Variants in CCDC178 observed in about 807,000 individuals in gnomAD.
CCDC178 encodes coiled-coil domain containing 178, also known as coiled-coil domain-containing protein 178.
In CCDC178, 126 loss-of-function variants were observed where a neutral mutation model predicts 117.4. That is an observed-to-expected ratio of 1.07 (90% confidence interval 0.93 to 1.24). The LOEUF is 1.24. CCDC178 is among the 50% of genes most tolerant of loss of function. The probability of loss-of-function intolerance (pLI) is 0.00; values close to 1 mark genes in which losing one functional copy is unlikely to be tolerated. For synonymous variants in CCDC178, 283 were observed against 313.4 expected (o/e 0.90, Z 1.02); for missense variants, 1,030 against 986.9 (o/e 1.04, Z -0.59).
chr18:33,386,800 T>C (rs776475739), intron 5 of CCDC178, among the ~76,000 whole-genome samples: 1 of 151,766 alleles, frequency 6.6e-6, no homozygotes, highest in Non-Finnish European at 1.5e-5. Context: ...CCCTTGAAAA[T>C]AGGTATAAGA....
chr18:33,156,631 T>C (rs2626370), intron 20 of CCDC178, among the ~76,000 whole-genome samples: 20,801 of 92,084 alleles, frequency 0.23, 2,203 homozygotes, highest in African/African-American at 0.39. Context: ...TGCTTCCTAA[T>C]CCTCCCTCTC....
chr18:33,326,607 C>T (rs761391909), intron 10 of CCDC178, among the ~76,000 whole-genome samples: 58 of 152,138 alleles, frequency 3.8e-4, no homozygotes, highest in Non-Finnish European at 6.6e-4. Context: ...CAAGGGATTC[C>T]CAGAGTTGTT....
At chr18:33,362,753 A>C (rs1382633786) in intron 6 of CCDC178, among the ~76,000 whole-genome samples, 1 of 151,958 alleles carries the variant, frequency 6.6e-6, no homozygotes, top group African/African-American at 2.4e-5. Context: ...TAGTTGCAAG[A>C]CTTGGGTTAA....
In CCDC178 at chr18:33,292,630, T is replaced by C. The variant is rs2060182008; in HGVS notation, c.1176+529A>G. ...CAAAGAATGCTGAATGTTACCCTAA[T>C]TTGATCATTACACATTGTATACAGG... On this transcript the variant is annotated intron_variant, in intron 12 of 22. Coordinates refer to ENST00000383096, the MANE Select transcript of CCDC178 (RefSeq NM_001105528.4). 2.0e-5 allele frequency among the ~76,000 whole-genome samples: 3 copies of C among 152,138 alleles called. No individual in the cohort carries two copies. The South Asian group carries it at 6.2e-4, about 32-fold the overall frequency.
intron 21 of CCDC178, among the ~76,000 whole-genome samples, chr18:33,047,743 G>A (rs2056671076): frequency 6.6e-6 from 1 of 152,148 alleles, no homozygotes; most frequent in Non-Finnish European, 1.5e-5. Context: ...AGTCTCTACA[G>A]TGAAGCCCTA....
rs1028868058 is a variant in CCDC178 at position 33,343,974 on chromosome 18, C to T, written c.658+2237G>A. On this transcript the variant is annotated intron_variant, in intron 9 of 22. Transcript: ENST00000383096. Reference sequence around the variant, plus strand: ...GCAGAAGATTCCCGAGAACACATTACCTGAAAGGAATATGTTTCAAAGAGA... The same window carrying T: ...GCAGAAGATTCCCGAGAACACATTATCTGAAAGGAATATGTTTCAAAGAGA... 2.6e-5 allele frequency among the ~76,000 whole-genome samples: 4 copies of T among 152,134 alleles called. No individual in the cohort carries two copies. In the East Asian group the frequency reaches 5.8e-4, roughly 22 times the overall value.
Position 33,223,181 on chromosome 18 carries a change from T to C in CCDC178, c.1857A>G (p.Arg619=), listed in dbSNP as rs370621791. 1 of 1,607,160 alleles carries C rather than the reference T, an allele frequency of 6.2e-7. No individual in the cohort carries two copies. Among genetic ancestry groups the C allele is most frequent in the African/African-American group, 1.3e-5 (1 of 74,642 alleles). The change falls in exon 18 of 23, where the codon AGA becomes AGG. Residue 619 remains arginine (R), a synonymous_variant. Coordinates refer to ENST00000383096, the MANE Select transcript of CCDC178 (RefSeq NM_001105528.4). ...NNIIDQKDLI[R]RKVGKVKKKL... is the part of the protein sequence containing the mutation. Reference sequence around the variant, plus strand: ...TTTTCTTTACTTTTCCCACCTTTCTTCTAATAAGATCTTTCTGATCAATTA... The same window carrying C: ...TTTTCTTTACTTTTCCCACCTTTCTCCTAATAAGATCTTTCTGATCAATTA...
chr18:33,089,860 G>A (rs567199670), intron 21 of CCDC178, among the ~76,000 whole-genome samples: 87 of 151,992 alleles, frequency 5.7e-4, no homozygotes, highest in Admixed American at 1.9e-3. Context: ...ATATTCACAC[G>A]GAAGTATAAT....
chr18:33,436,140 G>T (rs1159678406), intron 2 of CCDC178, among the ~76,000 whole-genome samples: 1 of 152,134 alleles, frequency 6.6e-6, no homozygotes, highest in African/African-American at 2.4e-5. Context: ...TAGAGAAATT[G>T]AAGGATAAAA....
chr18:33,166,538 A>AGTTTCCC (rs1238733971), intron 20 of CCDC178, among the ~76,000 whole-genome samples: 84 of 152,266 alleles, frequency 5.5e-4, no homozygotes, highest in African/African-American at 1.9e-3. Flanking sequence ...CTAGGTGTCT[A>AGTTTCCC]TAAGGAAAGA....
chr18:33,272,733 T>C (rs995291466), intron 12 of CCDC178, among the ~76,000 whole-genome samples: 3 of 151,580 alleles, frequency 2.0e-5, no homozygotes, highest in South Asian at 2.1e-4. Flanking sequence ...GCAAGGTTGG[T>C]TCTACATGTA....
At chr18:33,319,608 A>G (rs578247262) in intron 11 of CCDC178, among the ~76,000 whole-genome samples, 1 of 152,270 alleles carries the variant, frequency 6.6e-6, no homozygotes, top group Non-Finnish European at 1.5e-5. Context: ...ATCCTTGAGG[A>G]ATCGCCACAC....
intron 20 of CCDC178, among the ~76,000 whole-genome samples, chr18:33,192,627 G>A (rs1220203978): frequency 1.3e-5 from 2 of 152,156 alleles, no homozygotes; most frequent in South Asian, 2.1e-4. Context: ...TGGGCCCTGC[G>A]CGGTGGCTCA....
At chr18:33,220,414 T>C (rs1179562018) in intron 18 of CCDC178, among the ~76,000 whole-genome samples, 1 of 152,088 alleles carries the variant, frequency 6.6e-6, no homozygotes, top group Non-Finnish European at 1.5e-5. Flanking sequence ...TAGATTTCTC[T>C]GACTCCAAAG....
intron 11 of CCDC178, among the ~76,000 whole-genome samples, chr18:33,316,207 AGCTTGTGG>A (rs1329300748): frequency 3.3e-5 from 5 of 152,176 alleles, no homozygotes; most frequent in Non-Finnish European, 7.4e-5. Context: ...CAGCTCCCTC[AGCTTGTGG>A]GGAGGTGTGG....
At chr18:33,026,253 G>A (rs189834346) in intron 21 of CCDC178, among the ~76,000 whole-genome samples, 5 of 152,172 alleles carry the variant, frequency 3.3e-5, no homozygotes, top group Admixed American at 3.3e-4. Context: ...AGAGCAATAT[G>A]AGGAATCCTG....
rs1184795813 is a variant in CCDC178, at chr18:32,989,753, A to T, written c.2389-15072T>A. Among the ~76,000 whole-genome samples the T allele has an allele frequency of 4.6e-5, 7 of 152,154 alleles. No individual in the cohort carries two copies. In the South Asian group the frequency reaches 6.2e-4, roughly 13 times the overall value. On this transcript the variant is annotated intron_variant, in intron 21 of 22. Transcript: ENST00000383096. ...AGCAAGTGGCAGCCCAGATTTGGCC[A>T]GTGAGCTGTAGTTATACAACATTAT... is the stretch of plus-strand genomic sequence containing the variant.
At chr18:33,177,328 GT>G (rs1167568831) in intron 20 of CCDC178, among the ~76,000 whole-genome samples, 10 of 152,100 alleles carry the variant, frequency 6.6e-5, no homozygotes, top group African/African-American at 2.2e-4. Context: ...AAACCTGCAC[GT>G]TCTGCACATG....
chr18:33,027,470 G>A (rs907262440), intron 21 of CCDC178, among the ~76,000 whole-genome samples: 1 of 151,336 alleles, frequency 6.6e-6, no homozygotes, highest in African/African-American at 2.4e-5. Flanking sequence ...TTGATTAAAA[G>A]AAAAACTCCC....
Sources: allele counts gnomAD v4.1 joint callset (sites outside exome capture counted in the v4.1 genomes callset), GRCh38; gene constraint gnomAD v4.1.1; transcripts MANE v1.5; gene names NCBI Gene and HGNC (gene_info 2026-07-23, HGNC 2026-07-21).